GRIK2: variants seen among roughly 807,000 people sequenced by gnomAD.
GRIK2 encodes glutamate receptor ionotropic, kainate 2.
Under a neutral mutation model 100.3 loss-of-function variants are expected in GRIK2, and 32 were observed. The ratio of observed to expected loss-of-function variants is 0.32; its 90% CI spans 0.24 to 0.43. The LOEUF is 0.43. Ranked by LOEUF, GRIK2 falls within the 20% of genes least tolerant of loss-of-function variation. GRIK2 has a pLI of 1.00. For synonymous variants in GRIK2, 417 were observed against 389.4 expected (o/e 1.07, Z -0.83); for missense variants, 843 against 1,114.9 (o/e 0.76, Z 3.47).
intron 14 of GRIK2, among the ~76,000 whole-genome samples, chr6:101,934,412 TA>T (rs1790490861): frequency 6.6e-6 from 1 of 151,880 alleles, no homozygotes; most frequent in Non-Finnish European, 1.5e-5. Context: ...ACCAGCTCAA[TA>T]GTCTTCTAAA....
At chr6:101,450,574 G>T (rs2128248901) in intron 2 of GRIK2, among the ~76,000 whole-genome samples, 1 of 151,712 alleles carries the variant, frequency 6.6e-6, no homozygotes, top group African/African-American at 2.4e-5. Context: ...GTACACCAGA[G>T]AACATGTATT....
chr6:101,425,275 A>G (rs73502619), intron 2 of GRIK2, among the ~76,000 whole-genome samples: 3,998 of 152,242 alleles, frequency 0.026, 194 homozygotes, highest in African/African-American at 0.092. Flanking sequence ...AGTTTATCCA[A>G]ATTTTTATAG....
chr6:101,829,814 G>A (rs916171403), intron 10 of GRIK2, among the ~76,000 whole-genome samples: 3 of 151,830 alleles, frequency 2.0e-5, no homozygotes, highest in Non-Finnish European at 4.4e-5. Context: ...CTCATGAGTT[G>A]GATGAATCAA....
At chr6:101,479,630 T>A (rs1281675649) in intron 2 of GRIK2, among the ~76,000 whole-genome samples, 1 of 152,166 alleles carries the variant, frequency 6.6e-6, no homozygotes, top group African/African-American at 2.4e-5. Flanking sequence ...ACTCTTTTCT[T>A]GCTTACTGGA....
At chr6:101,953,986 T>C (rs1448953362) in intron 14 of GRIK2, among the ~76,000 whole-genome samples, 1 of 152,120 alleles carries the variant, frequency 6.6e-6, no homozygotes, top group Non-Finnish European at 1.5e-5. Context: ...TATCAAAGTG[T>C]CCCAACACAG....
intron 7 of GRIK2, among the ~76,000 whole-genome samples, chr6:101,748,613 G>T (rs1372911633): frequency 1.3e-5 from 2 of 151,912 alleles, no homozygotes; most frequent in Non-Finnish European, 1.5e-5. Context: ...AGTCCTGCTA[G>T]TGCAGGCTTA....
chr6:101,833,400 T>A (rs531225387), intron 10 of GRIK2, among the ~76,000 whole-genome samples: 2 of 151,968 alleles, frequency 1.3e-5, no homozygotes, highest in Admixed American at 1.3e-4. Flanking sequence ...CCGGCTAATT[T>A]TTTTTTGTAT....
At chr6:101,753,450 T>C (rs568658407) in intron 7 of GRIK2, among the ~76,000 whole-genome samples, 23 of 152,142 alleles carry the variant, frequency 1.5e-4, no homozygotes, top group South Asian at 6.2e-4. Context: ...AAACTCACAA[T>C]ATAATCTGAT....
At chr6:101,931,189 T>TA (rs1303678998) in intron 14 of GRIK2, among the ~76,000 whole-genome samples, 3 of 152,092 alleles carry the variant, frequency 2.0e-5, no homozygotes, top group African/African-American at 7.2e-5. Context: ...GGTAAGAAAT[T>TA]TAAAAAAAAT....
chr6:101,467,802 A>C (rs184162285), intron 2 of GRIK2, among the ~76,000 whole-genome samples: 5 of 152,286 alleles, frequency 3.3e-5, no homozygotes, highest in Admixed American at 3.3e-4. Flanking sequence ...ATGAATACAC[A>C]TATAGAACCT....
intron 12 of GRIK2, among the ~76,000 whole-genome samples, chr6:101,896,991 G>C (rs2128460022): frequency 8.2e-6 from 1 of 121,456 alleles, no homozygotes; most frequent in East Asian, 2.3e-4. Context: ...ACATGTCATT[G>C]TATTTAACAC....
At chr6:101,884,431 A>G (rs1214757831) in intron 11 of GRIK2, among the ~76,000 whole-genome samples, 1 of 152,158 alleles carries the variant, frequency 6.6e-6, no homozygotes, top group African/African-American at 2.4e-5. Context: ...TATTATAAAA[A>G]TAAGATCATT....
At chr6:101,876,284 C>A (rs1044444915) in intron 11 of GRIK2, among the ~76,000 whole-genome samples, 1 of 151,618 alleles carries the variant, frequency 6.6e-6, no homozygotes, top group Non-Finnish European at 1.5e-5. Context: ...AAAATGTTTG[C>A]AGAAGCTTTT....
intron 14 of GRIK2, among the ~76,000 whole-genome samples, chr6:101,949,968 A>G (rs1279630722): frequency 6.6e-6 from 1 of 152,096 alleles, no homozygotes; most frequent in Non-Finnish European, 1.5e-5. Context: ...TATATGTCTC[A>G]ATCATGCTGA....
At chr6:101,398,899 G>C (rs907011122) in intron 1 of GRIK2, 86 bp from the exon 2 acceptor site, 2 of 424,968 alleles carry the variant, frequency 4.7e-6, no homozygotes, top group African/African-American at 4.1e-5. Context: ...AGCGCCTTTT[G>C]TGCCGGGCTG....
At chr6:102,054,321 G>C (rs1771357910) in intron 15 of GRIK2, among the ~76,000 whole-genome samples, 1 of 152,104 alleles carries the variant, frequency 6.6e-6, no homozygotes, top group South Asian at 2.1e-4. Flanking sequence ...AGGCAATGTT[G>C]AATACAAGCT....
At chr6:102,047,522 G>A (rs1770956837) in intron 15 of GRIK2, among the ~76,000 whole-genome samples, 1 of 152,020 alleles carries the variant, frequency 6.6e-6, no homozygotes, top group Non-Finnish European at 1.5e-5. Context: ...GGCCGAGCTG[G>A]ATGGATCACA....
At chr6:101,752,564 C>A (rs1257676086) in intron 7 of GRIK2, among the ~76,000 whole-genome samples, 2 of 152,092 alleles carry the variant, frequency 1.3e-5, no homozygotes, top group Non-Finnish European at 2.9e-5. Context: ...TTTGATAATT[C>A]CAACTCAAAT....
rs893337763 is a variant in GRIK2 at position 101,626,525 on chromosome 6, T to A, written c.429T>A (p.Asp143Glu). Residue 143 changes from aspartate (D) to glutamate (E), a missense_variant, in exon 4 of 17, where the codon GAT becomes GAA. Asp to Glu is a conservative substitution (Grantham distance 45). Transcript: ENST00000369134. ...AGCACCAGGTGTCAGACAACAAAGA[T>A]TCCTTCTATGTCAGTCTCTACCCAG... ...RWKHQVSDNK[D>E]SFYVSLYPDF... The A allele has an allele frequency of 1.2e-6, 2 of 1,613,816 alleles. No homozygotes were observed. The highest frequency in any genetic ancestry group is 2.7e-5 in the African/African-American group (2 of 74,910).
Sources: gnomAD v4.1 joint callset for allele counts (sites outside exome capture counted in the v4.1 genomes callset) on GRCh38, gnomAD v4.1.1 for gene constraint, MANE v1.5 for transcripts, NCBI Gene and HGNC (gene_info 2026-07-23, HGNC 2026-07-21) for gene names.